PGCKA1: variants seen among roughly 807,000 people sequenced by gnomAD.
PGCKA1 encodes PDCD10 and GCKIII kinases associated 1, also known as PDCD10 and GCKIII kinases-associated protein 1.
the PGCKA1 span, among the ~76,000 whole-genome samples, chr4:37,495,503 A>T: frequency 6.6e-6 from 1 of 152,222 alleles, no homozygotes; most frequent in Non-Finnish European, 1.5e-5. Context: ...AATATAGCAC[A>T]TATACACCAT....
At chr4:37,457,897 T>G in the PGCKA1 span, among the ~76,000 whole-genome samples, 1 of 152,226 alleles carries the variant, frequency 6.6e-6, no homozygotes, top group African/African-American at 2.4e-5. Context: ...AATGTACAGC[T>G]CTTGTGATAA....
At chr4:37,589,085 C>G in the PGCKA1 span, among the ~76,000 whole-genome samples, 4 of 152,106 alleles carry the variant, frequency 2.6e-5, 1 homozygote, top group South Asian at 6.2e-4. Flanking sequence ...ATTTTTTTAA[C>G]TTTTTTTGCT....
At chr4:37,509,105 A>T in the PGCKA1 span, among the ~76,000 whole-genome samples, 17 of 150,880 alleles carry the variant, frequency 1.1e-4, no homozygotes, top group East Asian at 2.4e-3. Context: ...CAACAATCTG[A>T]TTTCTCTATC....
chr4:37,517,271 A>G, the PGCKA1 span, among the ~76,000 whole-genome samples: 43 of 141,884 alleles, frequency 3.0e-4, no homozygotes, highest in African/African-American at 1.1e-3. Flanking sequence ...ATATATATAA[A>G]TATATATATA....
At chr4:37,533,687 A>G in the PGCKA1 span, among the ~76,000 whole-genome samples, 2 of 152,224 alleles carry the variant, frequency 1.3e-5, no homozygotes, top group Non-Finnish European at 2.9e-5. Context: ...TTTCTGGAAA[A>G]TTGATTTCCT....
At chr4:37,563,121 T>A in the PGCKA1 span, among the ~76,000 whole-genome samples, 1 of 151,814 alleles carries the variant, frequency 6.6e-6, no homozygotes, top group Non-Finnish European at 1.5e-5. Context: ...CAGTCTTGAG[T>A]CCGGAAAAAC....
chr4:37,514,275 T>C, the PGCKA1 span, among the ~76,000 whole-genome samples: 1 of 152,218 alleles, frequency 6.6e-6, no homozygotes, highest in Admixed American at 6.5e-5. Context: ...ACTCCTGGCC[T>C]AATCACCTCT....
At chr4:37,567,865 GA>G in the PGCKA1 span, among the ~76,000 whole-genome samples, 26 of 151,984 alleles carry the variant, frequency 1.7e-4, no homozygotes, top group Admixed American at 3.3e-4. Context: ...TAGATGGGGG[GA>G]AAAAATAGTA....
chr4:37,565,704 C>A, the PGCKA1 span, among the ~76,000 whole-genome samples: 1 of 152,162 alleles, frequency 6.6e-6, no homozygotes, highest in Admixed American at 6.5e-5. Flanking sequence ...GCCCTGGTCT[C>A]ATCAGGCTTA....
chr4:37,493,753 A>G, the PGCKA1 span, among the ~76,000 whole-genome samples: 1 of 152,114 alleles, frequency 6.6e-6, no homozygotes, highest in Non-Finnish European at 1.5e-5. Context: ...AGCCTCTGGT[A>G]ACCATCCTTC....
At chr4:37,584,417 T>C in the PGCKA1 span, 1 of 152,184 alleles carries the variant, frequency 6.6e-6, no homozygotes, top group Non-Finnish European at 1.5e-5. Context: ...AGGAAACCCA[T>C]GTGGTGTGCC....
At chr4:37,562,360 T>G in the PGCKA1 span, among the ~76,000 whole-genome samples, 1 of 152,240 alleles carries the variant, frequency 6.6e-6, no homozygotes. Flanking sequence ...TCTTCATTAT[T>G]GCATGCTACT....
the PGCKA1 span, among the ~76,000 whole-genome samples, chr4:37,557,228 CATTT>C: frequency 6.6e-6 from 1 of 152,178 alleles, no homozygotes; most frequent in African/African-American, 2.4e-5. Flanking sequence ...AAATACCACA[CATTT>C]ATTCATTCAA....
the PGCKA1 span, among the ~76,000 whole-genome samples, chr4:37,469,889 T>C: frequency 6.6e-6 from 1 of 152,212 alleles, no homozygotes; most frequent in Non-Finnish European, 1.5e-5. Context: ...ACAGACCCAT[T>C]ATCTGCTTTG....
the PGCKA1 span, among the ~76,000 whole-genome samples, chr4:37,508,235 A>G: frequency 6.6e-6 from 1 of 152,056 alleles, no homozygotes; most frequent in East Asian, 1.9e-4. Context: ...ACCTTCTTAC[A>G]CTTGGATATT....
the PGCKA1 span, among the ~76,000 whole-genome samples, chr4:37,478,723 A>G: frequency 1.4e-4 from 21 of 152,344 alleles, no homozygotes; most frequent in Admixed American, 3.9e-4. Context: ...ATCCATTTCT[A>G]CAAAGACAAA....
the PGCKA1 span, among the ~76,000 whole-genome samples, chr4:37,537,326 T>C: frequency 6.6e-6 from 1 of 152,164 alleles, no homozygotes; most frequent in Non-Finnish European, 1.5e-5. Flanking sequence ...GTCTCAGAGG[T>C]TGAAAAGAGG....
At chr4:37,484,764 G>A in the PGCKA1 span, among the ~76,000 whole-genome samples, 2 of 152,200 alleles carry the variant, frequency 1.3e-5, no homozygotes, top group South Asian at 4.1e-4. Flanking sequence ...CACCATGTGA[G>A]GACACAATGA....
chr4:37,546,002 T>C, the PGCKA1 span, among the ~76,000 whole-genome samples: 1 of 152,174 alleles, frequency 6.6e-6, no homozygotes, highest in Non-Finnish European at 1.5e-5. Context: ...TTCAAGGAAC[T>C]TCCATTGTAG....
Sources: allele counts gnomAD v4.1 joint callset (sites outside exome capture counted in the v4.1 genomes callset), GRCh38; gene constraint gnomAD v4.1.1; transcripts MANE v1.5; gene names NCBI Gene and HGNC (gene_info 2026-07-23, HGNC 2026-07-21).